MAP6: variants seen among roughly 807,000 people sequenced by gnomAD.
The protein encoded by MAP6 is microtubule-associated protein 6.
In MAP6, 26 loss-of-function variants were observed where a neutral mutation model predicts 42.4. The ratio of observed to expected loss-of-function variants is 0.61; its 90% CI spans 0.45 to 0.85. MAP6 has a LOEUF of 0.85. Among genes scored for constraint, MAP6 ranks in the 40% least tolerant of loss-of-function variants. The pLI is 0.00. For synonymous variants in MAP6, 418 were observed against 443.8 expected (o/e 0.94, Z 0.73); for missense variants, 966 against 1,099.0 (o/e 0.88, Z 1.71).
intron 1 of MAP6, among the ~76,000 whole-genome samples, chr11:75,616,778 G>C (rs915888827): frequency 1.3e-5 from 2 of 152,152 alleles, no homozygotes; most frequent in African/African-American, 2.4e-5. Flanking sequence ...TTTTGTGTGA[G>C]AGGGAGAAAA....
intron 3 of MAP6, among the ~76,000 whole-genome samples, chr11:75,592,353 G>T (rs1333010272): frequency 1.3e-5 from 2 of 152,192 alleles, no homozygotes; most frequent in Non-Finnish European, 2.9e-5. Context: ...CAGCCCCAAT[G>T]CCCAGCACAG....
At chr11:75,608,394 G>T in intron 1 of MAP6, 72 bp from the exon 2 acceptor site, 1 of 1,180,014 alleles carries the variant, frequency 8.5e-7, no homozygotes, top group Non-Finnish European at 1.3e-6. Context: ...ACACAGGGCT[G>T]CAAACACAGC....
chr11:75,623,094 GC>G (rs1472269406), intron 1 of MAP6, among the ~76,000 whole-genome samples: 6 of 152,044 alleles, frequency 3.9e-5, no homozygotes, highest in Non-Finnish European at 7.4e-5. Context: ...GATGGAAATA[GC>G]TTAAATGTCC....
At chr11:75,632,784 A>C (rs1293145476) in intron 1 of MAP6, among the ~76,000 whole-genome samples, 1 of 152,210 alleles carries the variant, frequency 6.6e-6, no homozygotes, top group Non-Finnish European at 1.5e-5. Context: ...GCCAGCCAGT[A>C]ATTCATAGAA....
chr11:75,640,926 C>T (rs1245315025), intron 1 of MAP6, among the ~76,000 whole-genome samples: 5 of 151,906 alleles, frequency 3.3e-5, no homozygotes, highest in African/African-American at 7.3e-5. Context: ...GTCAGTGTGG[C>T]GATTCCTCAG....
intron 3 of MAP6, among the ~76,000 whole-genome samples, chr11:75,601,046 G>A (rs991728993): frequency 2.0e-5 from 3 of 152,224 alleles, no homozygotes; most frequent in African/African-American, 7.2e-5. Flanking sequence ...GCTCTGGGCA[G>A]CAGAGGGGAG....
intron 3 of MAP6, among the ~76,000 whole-genome samples, chr11:75,590,057 C>T (rs1200265411): frequency 1.3e-5 from 2 of 152,022 alleles, no homozygotes; most frequent in African/African-American, 4.8e-5. Context: ...GCTGCTCTGG[C>T]CAGATAGACA....
chr11:75,635,063 A>G (rs1943346687), intron 1 of MAP6, among the ~76,000 whole-genome samples: 1 of 152,310 alleles, frequency 6.6e-6, no homozygotes, highest in East Asian at 1.9e-4. Flanking sequence ...CGGTGAACCG[A>G]AAGTTTAAGG....
At chr11:75,627,702 T>C (rs1278867197) in intron 1 of MAP6, among the ~76,000 whole-genome samples, 6 of 152,192 alleles carry the variant, frequency 3.9e-5, no homozygotes, top group African/African-American at 1.4e-4. Flanking sequence ...GGAGATCCTA[T>C]GGAGTAGACA....
chr11:75,643,136 G>A (rs1212335401), intron 1 of MAP6, among the ~76,000 whole-genome samples: 1 of 151,846 alleles, frequency 6.6e-6, no homozygotes, highest in East Asian at 1.9e-4. Flanking sequence ...TTACTGTAAA[G>A]AATACTGTGT....
intron 3 of MAP6, among the ~76,000 whole-genome samples, chr11:75,595,123 G>A (rs1213495958): frequency 6.6e-6 from 1 of 152,256 alleles, no homozygotes; most frequent in Non-Finnish European, 1.5e-5. Flanking sequence ...TCCCTGGCAG[G>A]TGGCTGCCCA....
Position 75,605,788 on chromosome 11 carries a change from G to T in MAP6, c.1316+20C>A, listed in dbSNP as rs1289331344. ...AGGGAGAGAGAGAGAAGAGTAAAAG[G>T]AAAGTGCAGGGAAATTTACTCTTTC... On this transcript the variant is annotated intron_variant, in intron 3 of 3. Transcript: ENST00000304771. 2.5e-6 allele frequency: 4 copies of T among 1,611,880 alleles called. No homozygotes were observed. The Admixed American group carries it at 5.0e-5, about 20-fold the overall frequency.
intron 1 of MAP6, among the ~76,000 whole-genome samples, chr11:75,653,596 T>C (rs1943687324): frequency 1.3e-5 from 2 of 152,244 alleles, no homozygotes; most frequent in African/African-American, 2.4e-5. Context: ...TCTTTTCTAA[T>C]TGCTTTTATT....
chr11:75,626,050 A>T (rs1943188490), intron 1 of MAP6, among the ~76,000 whole-genome samples: 2 of 152,220 alleles, frequency 1.3e-5, no homozygotes, highest in South Asian at 4.2e-4. Context: ...CCTCACACGT[A>T]TCACCTCTGT....
chr11:75,620,279 G>A (rs1419437467), intron 1 of MAP6, among the ~76,000 whole-genome samples: 2 of 151,996 alleles, frequency 1.3e-5, no homozygotes, highest in Non-Finnish European at 2.9e-5. Flanking sequence ...AGACCAGCCC[G>A]GCCAACATGG....
chr11:75,642,644 A>G (rs12576635), intron 1 of MAP6: 9,157 of 185,700 alleles, frequency 0.049, 304 homozygotes, highest in East Asian at 0.14. Context: ...ACCTTGCCAT[A>G]AGACACACAT....
At chr11:75,622,949 A>C (rs1264595700) in intron 1 of MAP6, among the ~76,000 whole-genome samples, 1 of 152,232 alleles carries the variant, frequency 6.6e-6, no homozygotes, top group South Asian at 2.1e-4. Flanking sequence ...GACAGTATTC[A>C]TATCAGGAAA....
At chr11:75,665,258 G>A (rs1943928229) in intron 1 of MAP6, among the ~76,000 whole-genome samples, 1 of 152,204 alleles carries the variant, frequency 6.6e-6, no homozygotes, top group Non-Finnish European at 1.5e-5. Context: ...GCACAGCTAA[G>A]CTGTTGTTTT....
intron 1 of MAP6, among the ~76,000 whole-genome samples, chr11:75,647,804 G>A (rs1943586997): frequency 6.6e-6 from 1 of 152,152 alleles, no homozygotes; most frequent in Admixed American, 6.5e-5. Flanking sequence ...CTTGAGAACT[G>A]AGTCCAACAT....
Sources: gnomAD v4.1 joint callset for allele counts (sites outside exome capture counted in the v4.1 genomes callset) on GRCh38, gnomAD v4.1.1 for gene constraint, MANE v1.5 for transcripts, NCBI Gene and HGNC (gene_info 2026-07-23, HGNC 2026-07-21) for gene names.